Variants in MAF observed in about 807,000 individuals in gnomAD.
MAF encodes MAF bZIP transcription factor.
In MAF, 10 loss-of-function variants were observed where a neutral mutation model predicts 22.0. The ratio of observed to expected loss-of-function variants is 0.45; its 90% confidence interval spans 0.28 to 0.77. The LOEUF (loss-of-function observed/expected upper bound fraction) is 0.77, where lower values mean the gene tolerates loss of function less well. MAF is among the 30% of genes least tolerant of loss of function. MAF has a pLI of 0.12. For synonymous variants in MAF, 337 were observed against 255.8 expected, an observed-to-expected ratio of 1.32 and a Z score of -3.03; for missense variants, 544 against 548.4, an observed-to-expected ratio of 0.99 and a Z score of 0.08.
At chr16:79,429,870 G>T in the MAF span, among the ~76,000 whole-genome samples, 1 of 152,294 alleles carries the variant, frequency 6.6e-6, no homozygotes, top group Non-Finnish European at 1.5e-5. Flanking sequence ...CCCCAGGAAA[G>T]GTGTCACCAT....
the MAF span, among the ~76,000 whole-genome samples, chr16:79,548,036 G>A: frequency 2.0e-5 from 3 of 152,064 alleles, no homozygotes; most frequent in African/African-American, 7.2e-5. Flanking sequence ...AAAAAACTGA[G>A]ATCTGTTGTT....
chr16:79,554,224 G>A, the MAF span, among the ~76,000 whole-genome samples: 7 of 152,146 alleles, frequency 4.6e-5, no homozygotes, highest in African/African-American at 1.7e-4. Flanking sequence ...GTTTCCTAAT[G>A]AGATCCTCCA....
chr16:79,440,507 C>T, the MAF span, among the ~76,000 whole-genome samples: 4 of 152,178 alleles, frequency 2.6e-5, no homozygotes, highest in African/African-American at 9.7e-5. Context: ...GCAATCTTGG[C>T]TCATTACAAC....
intron 1 of MAF, among the ~76,000 whole-genome samples, chr16:79,588,662 A>T (rs955835284): frequency 1.3e-4 from 19 of 151,980 alleles, no homozygotes; most frequent in Non-Finnish European, 2.9e-5. Context: ...GGGTTTCACC[A>T]GGTTGGCCAG....
At chr16:79,217,768 C>T in the MAF span, among the ~76,000 whole-genome samples, 1 of 151,958 alleles carries the variant, frequency 6.6e-6, no homozygotes, top group East Asian at 1.9e-4. Flanking sequence ...TGCAACTTAT[C>T]AATAGGAAAC....
chr16:79,408,251 G>A, the MAF span, among the ~76,000 whole-genome samples: 1 of 151,996 alleles, frequency 6.6e-6, no homozygotes, highest in Non-Finnish European at 1.5e-5. Context: ...ATCTCGGCTT[G>A]CTGCAACTGC....
chr16:79,543,258 T>A, the MAF span, among the ~76,000 whole-genome samples: 1 of 152,224 alleles, frequency 6.6e-6, no homozygotes, highest in South Asian at 2.1e-4. Context: ...CCCCAGTATC[T>A]TGGAGACAGG....
chr16:79,434,951 C>T, the MAF span, among the ~76,000 whole-genome samples: 1 of 152,126 alleles, frequency 6.6e-6, no homozygotes, highest in Non-Finnish European at 1.5e-5. Flanking sequence ...TGTTAATGGT[C>T]TGCGACTGGT....
chr16:79,211,722 G>A, the MAF span: 57 of 1,614,104 alleles, frequency 3.5e-5, no homozygotes, highest in African/African-American at 1.5e-4. Flanking sequence ...AGCTCAGAGC[G>A]AAGAGACGGC....
the MAF span, among the ~76,000 whole-genome samples, chr16:79,546,490 G>A: frequency 6.6e-6 from 1 of 152,170 alleles, no homozygotes; most frequent in African/African-American, 2.4e-5. Flanking sequence ...GTGGAAAGCA[G>A]AAGCGTTCAT....
the MAF span, among the ~76,000 whole-genome samples, chr16:79,499,794 G>A: frequency 2.0e-5 from 3 of 152,126 alleles, no homozygotes; most frequent in Non-Finnish European, 4.4e-5. Flanking sequence ...TGTTTCAGTA[G>A]CCTCAAAAGA....
the MAF span, among the ~76,000 whole-genome samples, chr16:79,274,445 G>A: frequency 6.6e-6 from 1 of 152,062 alleles, no homozygotes; most frequent in Non-Finnish European, 1.5e-5. Context: ...GCTCCCCAAG[G>A]GGACCCCAAT....
At chr16:79,596,895 T>G (rs1913560911) in intron 1 of MAF, 15 of 1,049,760 alleles carry the variant, frequency 1.4e-5, no homozygotes, top group Non-Finnish European at 1.7e-5. Flanking sequence ...AATTTTTTTT[T>G]GTATTATATG....
At chr16:79,219,210 T>C in the MAF span, among the ~76,000 whole-genome samples, 1 of 152,318 alleles carries the variant, frequency 6.6e-6, no homozygotes, top group African/African-American at 2.4e-5. Context: ...CTTCCGGCTT[T>C]CCTGATTTTA....
In MAF at chr16:79,594,206, A is replaced by C; in HGVS notation, c.*254T>G. ...AGTGAATTTTTAAAACTAGTATGGC[A>C]GGTTGAAAGCAATGCACCTGTTTAC... On this transcript the variant is annotated 3_prime_UTR_variant, in exon 2 of 2. Coordinates refer to ENST00000326043, the MANE Select transcript of MAF (RefSeq NM_005360.5). 2.1e-6 allele frequency: 1 copy of C among 471,428 alleles called. No homozygotes were observed. The highest frequency in any genetic ancestry group is 2.6e-5 in the South Asian group (1 of 37,806). The allele number at this position is 471,428 out of a possible 1,614,324, so 29.2% of individuals were successfully genotyped here.
At chr16:79,369,058 A>G in the MAF span, among the ~76,000 whole-genome samples, 1 of 152,202 alleles carries the variant, frequency 6.6e-6, no homozygotes, top group Admixed American at 6.5e-5. Flanking sequence ...ACAGTGTTGG[A>G]CACACAGCAA....
the MAF span, among the ~76,000 whole-genome samples, chr16:79,521,277 C>A: frequency 6.6e-6 from 1 of 152,146 alleles, no homozygotes; most frequent in Non-Finnish European, 1.5e-5. Context: ...TAATGGCACC[C>A]CAAGGGGGTT....
At chr16:79,431,685 G>A in the MAF span, among the ~76,000 whole-genome samples, 1 of 152,122 alleles carries the variant, frequency 6.6e-6, no homozygotes, top group East Asian at 1.9e-4. Context: ...CGACTCAAAG[G>A]CGCCACTTTC....
chr16:79,430,771 C>G, the MAF span, among the ~76,000 whole-genome samples: 10 of 152,214 alleles, frequency 6.6e-5, no homozygotes, highest in African/African-American at 2.4e-4. Flanking sequence ...AGGGTGAGCA[C>G]GGCCCCCAGT....
Sources: gnomAD v4.1 joint callset for allele counts (sites outside exome capture counted in the v4.1 genomes callset) on GRCh38, gnomAD v4.1.1 for gene constraint, MANE v1.5 for transcripts, NCBI Gene and HGNC (gene_info 2026-07-23, HGNC 2026-07-21) for gene names.